DLG5: variants seen among roughly 807,000 people sequenced by gnomAD.
The protein encoded by DLG5 is disks large homolog 5.
Under a neutral mutation model 189.8 loss-of-function variants are expected in DLG5, and 48 were observed. That is an observed-to-expected ratio of 0.25 (90% confidence interval 0.20 to 0.32). The LOEUF is 0.32. Among genes scored for constraint, DLG5 ranks in the 10% least tolerant of loss-of-function variants. The pLI, the probability that DLG5 is intolerant of heterozygous loss-of-function variation, is 1.00. For synonymous variants in DLG5, 1,016 were observed against 1,054.1 expected (o/e 0.96, Z 0.70); for missense variants, 2,160 against 2,544.7 (o/e 0.85, Z 3.25).
chr10:77,936,422 G>A, the DLG5 span, among the ~76,000 whole-genome samples: 1 of 137,878 alleles, frequency 7.3e-6, no homozygotes, highest in Non-Finnish European at 1.5e-5. Flanking sequence ...TGGCAACAGA[G>A]CGAGACTCCG....
intron 1 of DLG5, among the ~76,000 whole-genome samples, chr10:77,897,703 G>A (rs1845804990): frequency 6.7e-6 from 1 of 150,228 alleles, no homozygotes; most frequent in South Asian, 2.1e-4. Context: ...AGGGGGGAAA[G>A]GGAGAGAAGG....
chr10:77,864,662 T>C (rs548245227), intron 2 of DLG5, among the ~76,000 whole-genome samples: 1 of 152,370 alleles, frequency 6.6e-6, no homozygotes, highest in East Asian at 1.9e-4. Flanking sequence ...TTCCGATGCC[T>C]GCTAGAGTTT....
At chr10:77,936,115 T>C in the DLG5 span, among the ~76,000 whole-genome samples, 1 of 152,188 alleles carries the variant, frequency 6.6e-6, no homozygotes, top group Non-Finnish European at 1.5e-5. Context: ...AGTTCAGGAA[T>C]GGCCCAGAGG....
the DLG5 span, among the ~76,000 whole-genome samples, chr10:77,932,561 G>A: frequency 6.6e-6 from 1 of 152,178 alleles, no homozygotes; most frequent in East Asian, 1.9e-4. Flanking sequence ...CACTTTGGAA[G>A]GCCGAGGCAG....
In DLG5 at chr10:77,854,203, C is replaced by T. The variant is rs1231742066; in HGVS notation, c.680+24G>A. 3.1e-6 allele frequency: 5 copies of T among 1,611,814 alleles called. No homozygotes were observed. The Admixed American group carries it at 6.7e-5, about 22-fold the overall frequency. ...GCAGCTGTCTGTGGGTGTTGGAGGC[C>T]CTGGCCAAGCAGGCCTCACTCACTG... On this transcript the variant is annotated intron_variant, in intron 4 of 31. Transcript: ENST00000372391.
chr10:77,929,629 T>C (rs1276878485), upstream of DLG5: 1 of 152,152 alleles, frequency 6.6e-6, no homozygotes, highest in Admixed American at 6.5e-5. Flanking sequence ...GAAAATGCCA[T>C]GTGAAGATGG....
At chr10:77,825,364 C>T (rs1842569985) in intron 13 of DLG5, among the ~76,000 whole-genome samples, 1 of 82,450 alleles carries the variant, frequency 1.2e-5, no homozygotes, top group Non-Finnish European at 2.5e-5. Context: ...ATGTGTTTAA[C>T]CACACACAAC....
At chr10:77,872,646 G>A (rs919611502) in intron 1 of DLG5, among the ~76,000 whole-genome samples, 5 of 152,164 alleles carry the variant, frequency 3.3e-5, no homozygotes, top group South Asian at 2.1e-4. Context: ...TTGTCTCTGC[G>A]GTTATTGTTG....
chr10:77,827,539 T>G (rs1197837769), intron 13 of DLG5, among the ~76,000 whole-genome samples: 1 of 152,104 alleles, frequency 6.6e-6, no homozygotes, highest in Non-Finnish European at 1.5e-5. Flanking sequence ...ATTTTCAATT[T>G]TAAAAGGTCA....
At chr10:77,856,616 A>C in intron 3 of DLG5, 114 bp downstream of exon 3, 1 of 1,357,518 alleles carries the variant, frequency 7.4e-7, no homozygotes, top group Non-Finnish European at 1.0e-6. Context: ...GGGGACACTC[A>C]GGCAGCGCAG....
chr10:77,852,225 GC>G (rs1252505837), intron 5 of DLG5, among the ~76,000 whole-genome samples: 2 of 151,968 alleles, frequency 1.3e-5, no homozygotes, highest in Non-Finnish European at 2.9e-5. Flanking sequence ...ACAAAAATCA[GC>G]CGGGTATGGT....
At position 77,817,849 on chromosome 10, in the gene DLG5, T is replaced by C. The variant is rs1457288974; in HGVS notation, c.3712A>G (p.Arg1238Gly). Residue 1238 changes from arginine to glycine, a missense_variant, in exon 18 of 32, where the codon AGG becomes GGG. Arg to Gly is a moderately radical substitution (Grantham distance 125). Around this residue, in one of 5 missense-constraint regions of DLG5, gnomAD observed 754 missense variants for 746.5 expected, o/e 1.01. Coordinates refer to ENST00000372391, the MANE Select transcript of DLG5 (RefSeq NM_004747.4). ...ATCTCGGAGTAGTCGCTGCAGGTCCTGTGGCTCAGGTCCAGGCTCAGGCGT... is the reference window on the plus strand; with the variant it reads ...ATCTCGGAGTAGTCGCTGCAGGTCCCGTGGCTCAGGTCCAGGCTCAGGCGT... ...QGRLSLDLSH[R>G]TCSDYSEMRA... The C allele has an allele frequency of 1.3e-6, 2 of 1,553,770 alleles. No homozygotes were observed. The highest frequency in any genetic ancestry group is 8.7e-7 in the Non-Finnish European group (1 of 1,148,012).
At chr10:77,879,515 C>T (rs1845209734) in intron 1 of DLG5, among the ~76,000 whole-genome samples, 1 of 151,868 alleles carries the variant, frequency 6.6e-6, no homozygotes, top group East Asian at 2.0e-4. Flanking sequence ...AGCAGGGAAG[C>T]ATAGAAACAA....
intron 14 of DLG5, among the ~76,000 whole-genome samples, chr10:77,823,825 T>C (rs1842486694): frequency 6.6e-6 from 1 of 151,870 alleles, no homozygotes. Flanking sequence ...GCACCCAGCT[T>C]CTTCCTTTCA....
In DLG5 at chr10:77,805,793, G is replaced by A. The variant is rs761637735; in HGVS notation, c.5036C>T (p.Thr1679Met). 22 of 1,614,088 alleles carry A rather than the reference G, an allele frequency of 1.4e-5. No homozygotes were observed. Among genetic ancestry groups the A allele is most frequent in the Non-Finnish European group, 1.5e-5 (18 of 1,180,060 alleles). Residue 1679 changes from threonine to methionine, a missense_variant, in exon 27 of 32, where the codon ACG (threonine) becomes ATG (methionine). By Grantham distance (81) the Thr-to-Met change is moderately conservative. Around this residue, in one of 5 missense-constraint regions of DLG5, gnomAD observed 574 missense variants for 644.2 expected, o/e 0.89. Coordinates refer to ENST00000372391, the MANE Select transcript of DLG5 (RefSeq NM_004747.4). ...GGACCGGCGTGCAGCCGCTGACAGC[G>A]TCTTTGTGGCGCTATTGTCATCTTT... ...EVKDDNSATK[T>M]LSAAARRSFF...
At chr10:77,903,467 A>G (rs1413359278) in intron 1 of DLG5, among the ~76,000 whole-genome samples, 1 of 151,826 alleles carries the variant, frequency 6.6e-6, no homozygotes, top group Non-Finnish European at 1.5e-5. Flanking sequence ...TTAAAAATAC[A>G]ATTAGCCGGG....
intron 31 of DLG5, chr10:77,792,933 A>G: frequency 4.0e-6 from 1 of 248,708 alleles, no homozygotes; most frequent in African/African-American, 2.2e-5. Context: ...CAGAAAGATG[A>G]TGGCGCCAAC....
intron 13 of DLG5, 109 bp from the exon 14 acceptor site, chr10:77,824,585 G>A (rs1201685514): frequency 2.4e-6 from 2 of 840,128 alleles, no homozygotes; most frequent in Non-Finnish European, 1.9e-6. Context: ...CCAAATGCAA[G>A]GTGCCAAAGT....
At chr10:77,842,251 G>A (rs776421945) in intron 6 of DLG5, 58 bp from the exon 7 acceptor site, 47 of 1,555,042 alleles carry the variant, frequency 3.0e-5, no homozygotes, top group East Asian at 6.8e-5. Flanking sequence ...GTCAGTGGCC[G>A]GCTGCGCTGC....
Sources: gnomAD v4.1 joint callset for allele counts (sites outside exome capture counted in the v4.1 genomes callset) on GRCh38, gnomAD v4.1.1 for gene constraint, gnomAD v4.1.1 regional missense constraint, MANE v1.5 for transcripts, NCBI Gene and HGNC (gene_info 2026-07-23, HGNC 2026-07-21) for gene names.